Variants in SPIRE2 observed in about 807,000 individuals in gnomAD.
SPIRE2 encodes protein spire homolog 2.
A neutral mutation model predicts 80.7 loss-of-function variants in SPIRE2; 76 were observed. That is an observed-to-expected ratio of 0.94 (90% CI 0.78 to 1.14). SPIRE2 has a LOEUF of 1.14. Among genes scored for constraint, SPIRE2 ranks in the 50% most tolerant of loss-of-function variants. The probability of loss-of-function intolerance (pLI) is 0.00; values close to 1 mark genes in which losing one functional copy is unlikely to be tolerated. For synonymous variants in SPIRE2, 535 were observed against 432.6 expected (o/e 1.24, Z -2.94); for missense variants, 1,196 against 1,015.3 (o/e 1.18, Z -2.42).
chr16:89,869,031 TAAAA>T (rs766356633), intron 13 of SPIRE2, among the ~76,000 whole-genome samples: 1 of 23,970 alleles, frequency 4.2e-5, no homozygotes, highest in Non-Finnish European at 5.9e-5. Flanking sequence ...ATCTGTGTCT[TAAAA>T]AAAAAAAAAA....
chr16:89,859,479 G>A (rs907586177), intron 9 of SPIRE2, 125 bp downstream of exon 9: 6 of 474,588 alleles, frequency 1.3e-5, no homozygotes, highest in East Asian at 3.5e-5. Context: ...CAGGGAGCTC[G>A]TGCCTGCAAG....
chr16:89,857,136 CTTT>C (rs59968762), intron 7 of SPIRE2, among the ~76,000 whole-genome samples: 8 of 122,884 alleles, frequency 6.5e-5, no homozygotes, highest in Admixed American at 8.8e-5. Context: ...TTTCCTATAT[CTTT>C]TTTTTTTTTT....
At chr16:89,855,953 G>C in intron 6 of SPIRE2, 160 bp from the exon 7 acceptor site, 1 of 1,318,448 alleles carries the variant, frequency 7.6e-7, no homozygotes, top group Non-Finnish European at 1.0e-6. Context: ...CCCCCTGGGA[G>C]CAGCACTCCC....
At position 89,869,707 on chromosome 16, in the gene SPIRE2, T is replaced by C. The variant is rs777633231; in HGVS notation, c.1922+25T>C. On this transcript the variant is annotated intron_variant, in intron 14 of 14. Transcript: ENST00000378247. ...AGTGCGTTCTTCGCCTTGCTGCTGA[T>C]GTCACTGTGGTGGTCGGGCGTGAAG... 19 of 1,575,064 alleles carry C rather than the reference T, an allele frequency of 1.2e-5. No homozygotes were observed. The South Asian group carries it at 2.0e-4, about 17-fold the overall frequency.
intron 10 of SPIRE2, 140 bp downstream of exon 10, chr16:89,860,935 G>T: frequency 1.8e-6 from 1 of 553,420 alleles, no homozygotes. Flanking sequence ...GGGGGGGCGC[G>T]GTCTGAACAT....
intron 3 of SPIRE2, among the ~76,000 whole-genome samples, chr16:89,853,098 A>T (rs1241178610): frequency 1.3e-5 from 2 of 152,132 alleles, no homozygotes; most frequent in Non-Finnish European, 2.9e-5. Flanking sequence ...CACAATTAGC[A>T]GACGGTCCTC....
At chr16:89,838,095 G>A (rs957932398) in intron 1 of SPIRE2, among the ~76,000 whole-genome samples, 1 of 151,570 alleles carries the variant, frequency 6.6e-6, no homozygotes, top group East Asian at 1.9e-4. Context: ...CGCCTCCGGG[G>A]ATCAAACGAT....
chr16:89,869,883 G>C (rs2041824164), intron 14 of SPIRE2, among the ~76,000 whole-genome samples, 167 bp from the exon 15 acceptor site: 1 of 152,076 alleles, frequency 6.6e-6, no homozygotes, highest in Non-Finnish European at 1.5e-5. Context: ...GGTGGTCAGG[G>C]AACAGTCTGC....
At chr16:89,838,562 C>T (rs1468805562) in intron 1 of SPIRE2, among the ~76,000 whole-genome samples, 1 of 152,152 alleles carries the variant, frequency 6.6e-6, no homozygotes, top group African/African-American at 2.4e-5. Context: ...CGGTGAGCCA[C>T]GGAAGCCACA....
intron 2 of SPIRE2, chr16:89,850,088 G>T (rs2041607242): frequency 2.9e-6 from 2 of 680,224 alleles, no homozygotes; most frequent in Admixed American, 4.1e-5. Context: ...CGCCCGCCTC[G>T]GCCTCCCAAA....
At chr16:89,845,295 AT>A (rs752101670) in intron 1 of SPIRE2, 26 bp from the exon 2 acceptor site, 5 of 1,613,358 alleles carry the variant, frequency 3.1e-6, no homozygotes, top group Non-Finnish European at 2.5e-6. Context: ...ATGCTGACAA[AT>A]AACTTAACTC....
At chr16:89,835,794 G>C (rs1321049460) in intron 1 of SPIRE2, among the ~76,000 whole-genome samples, 3 of 152,166 alleles carry the variant, frequency 2.0e-5, no homozygotes, top group Admixed American at 2.0e-4. Context: ...TGGCTTCTCT[G>C]TCCTCCTCAT....
rs746191927 is a variant in SPIRE2, at chr16:89,856,135, C to T, written c.1001C>T (p.Pro334Leu). 4.4e-5 allele frequency: 71 copies of T among 1,611,736 alleles called. 1 individual carries two copies. Among genetic ancestry groups the T allele is most frequent in the East Asian group, 2.0e-4 (9 of 44,848 alleles). The change falls in exon 7 of 15, where the codon CCG (proline) becomes CTG (leucine). Residue 334 changes from proline to leucine, a missense_variant. By Grantham distance (98) the Pro-to-Leu change is moderately conservative. Coordinates refer to ENST00000378247, the MANE Select transcript of SPIRE2 (RefSeq NM_032451.2). Reference sequence around the variant, plus strand: ...CAGGTCTCTGAGAGGCGGCTGCGCCCGTTGCCACCAAAGCAAAGGTCCCTG... The same window carrying T: ...CAGGTCTCTGAGAGGCGGCTGCGCCTGTTGCCACCAAAGCAAAGGTCCCTG... ...LKQVSERRLRPLPPKQRSLHE... is the reference protein window; with the variant it reads ...LKQVSERRLRLLPPKQRSLHE...
At chr16:89,845,282 G>T (rs2041547249) in intron 1 of SPIRE2, 40 bp from the exon 2 acceptor site, 1 of 1,604,802 alleles carries the variant, frequency 6.2e-7, no homozygotes, top group Non-Finnish European at 8.5e-7. Flanking sequence ...TGGGGTCCCG[G>T]GGATGCTGAC....
At chr16:89,837,792 A>G (rs1305746833) in intron 1 of SPIRE2, among the ~76,000 whole-genome samples, 12 of 152,088 alleles carry the variant, frequency 7.9e-5, no homozygotes, top group African/African-American at 2.7e-4. Context: ...GTGTGAGTTT[A>G]TGGAACGAGT....
intron 3 of SPIRE2, among the ~76,000 whole-genome samples, chr16:89,853,962 C>G (rs1421486510): frequency 6.6e-6 from 1 of 152,272 alleles, no homozygotes; most frequent in African/African-American, 2.4e-5. Context: ...AGACGCTACT[C>G]AGAGAAGCAG....
intron 6 of SPIRE2, 125 bp downstream of exon 6, chr16:89,855,811 G>C: frequency 9.8e-7 from 1 of 1,020,176 alleles, no homozygotes. Flanking sequence ...GTGCGTCTGC[G>C]TCACGGGTGA....
At chr16:89,862,360 T>C (rs1457030837) in intron 10 of SPIRE2, 1 of 148,238 alleles carries the variant, frequency 6.7e-6, no homozygotes, top group Admixed American at 7.0e-5. Flanking sequence ...GGCCCACTTC[T>C]TAAGGAATTA....
chr16:89,862,066 C>G (rs907483978), intron 10 of SPIRE2: 3 of 150,770 alleles, frequency 2.0e-5, no homozygotes, highest in African/African-American at 4.9e-5. Flanking sequence ...TGCAGTGGCG[C>G]CATCTCGGCT....
Sources: gnomAD v4.1 joint callset for allele counts (sites outside exome capture counted in the v4.1 genomes callset) on GRCh38, gnomAD v4.1.1 for gene constraint, MANE v1.5 for transcripts, NCBI Gene and HGNC (gene_info 2026-07-23, HGNC 2026-07-21) for gene names.